The following TRIM9 variants were observed in gnomAD, a reference collection of about 807,000 sequenced individuals.
TRIM9 encodes tripartite motif containing 9.
In TRIM9, 26 loss-of-function variants were observed where a neutral mutation model predicts 78.3. That is an observed-to-expected ratio of 0.33 (90% CI 0.24 to 0.46). The LOEUF is 0.46. TRIM9 is among the 20% of genes least tolerant of loss of function. The pLI is 1.00. For missense variants in TRIM9, 787 were observed against 1,036.4 expected (o/e 0.76, Z 3.30); for synonymous variants, 398 against 416.5 (o/e 0.96, Z 0.54).
Position 50,986,090 on chromosome 14 carries a change from G to A in TRIM9, c.1658C>T (p.Pro553Leu), listed in dbSNP as rs2052676321. 3 of 1,546,132 alleles carry A rather than the reference G, an allele frequency of 1.9e-6. No homozygotes were observed. Among genetic ancestry groups the A allele is most frequent in the Non-Finnish European group, 2.6e-6 (3 of 1,144,668 alleles). The change falls in exon 8 of 13, where the codon CCG (proline) becomes CTG (leucine). Residue 553 changes from proline to leucine, a missense_variant. This residue lies in a region of TRIM9 where 421 missense variants were observed against 514.3 expected (regional missense o/e 0.82). Transcript: ENST00000684578. ...GGAGAAAGGACTCATTCTACGGAGC[G>A]GCAATCTTTCCGAAGGCACTGGAAA... ...LPFPVPSERLPLRRMSPFSST... is the reference protein window; with the variant it reads ...LPFPVPSERLLLRRMSPFSST...
At chr14:51,083,881 G>A (rs955551685) in intron 1 of TRIM9, among the ~76,000 whole-genome samples, 13 of 152,240 alleles carry the variant, frequency 8.5e-5, no homozygotes, top group African/African-American at 2.6e-4. Context: ...GTTAAACAGC[G>A]TTCAAGCCCT....
At chr14:51,057,705 A>G (rs934276002) in intron 1 of TRIM9, among the ~76,000 whole-genome samples, 2 of 152,216 alleles carry the variant, frequency 1.3e-5, no homozygotes, top group Admixed American at 6.5e-5. Context: ...TTTTTGTGGT[A>G]AAAATCAAAA....
chr14:51,083,061 C>T (rs1049756783), intron 1 of TRIM9, among the ~76,000 whole-genome samples: 1 of 152,128 alleles, frequency 6.6e-6, no homozygotes, highest in Non-Finnish European at 1.5e-5. Flanking sequence ...TCAGTTAACA[C>T]ATAGAAATTA....
Position 50,982,884 on chromosome 14 carries a change from A to G in TRIM9, c.1858+58T>C. On this transcript the variant is annotated intron_variant, in intron 10 of 12. Transcript: ENST00000684578. ...ATTGCTGATTTATTAAACCTGTGAG[A>G]CACCTCACATGCACTTTGGTCTTTG... 1.4e-6 allele frequency: 2 copies of G among 1,446,892 alleles called. 1 individual carries two copies. Among genetic ancestry groups the G allele is most frequent in the South Asian group, 2.5e-5 (2 of 80,326 alleles). 89.6% of individuals were successfully genotyped at this position (1,446,892 alleles called of 1,614,324 possible). A position where few individuals can be genotyped will look rare whatever the true frequency, so the allele number is the denominator to read the frequency against.
intron 1 of TRIM9, among the ~76,000 whole-genome samples, chr14:51,032,636 C>T (rs2058830160): frequency 6.6e-6 from 1 of 152,170 alleles, no homozygotes; most frequent in African/African-American, 2.4e-5. Context: ...CCAGGTGGAT[C>T]TACCAAGAGC....
intron 1 of TRIM9, among the ~76,000 whole-genome samples, chr14:51,043,815 A>C (rs1196326865): frequency 6.7e-6 from 1 of 149,870 alleles, no homozygotes; most frequent in African/African-American, 2.4e-5. Flanking sequence ...GGCATAGGGC[A>C]GTGGTCCTGT....
chr14:50,998,273 C>G, intron 6 of TRIM9, 85 bp from the exon 7 acceptor site: 2 of 1,310,654 alleles, frequency 1.5e-6, no homozygotes, highest in East Asian at 2.3e-5. Context: ...TGGTTAGGAG[C>G]AAGAGCCCTG....
chr14:51,053,494 A>G (rs2060597774), intron 1 of TRIM9, among the ~76,000 whole-genome samples: 1 of 127,748 alleles, frequency 7.8e-6, no homozygotes, highest in African/African-American at 3.0e-5. Context: ...TATAAAACTG[A>G]TCAGAACAGG....
At chr14:51,054,297 T>TTTGTTGTTGTTGTTGTTG (rs10641747) in intron 1 of TRIM9, among the ~76,000 whole-genome samples, 1 of 151,110 alleles carries the variant, frequency 6.6e-6, no homozygotes, top group Non-Finnish European at 1.5e-5. Context: ...TTTATACTCA[T>TTTGTTGTTGTTGTTGTTG]TTGTTGTTGT....
In TRIM9 at chr14:51,071,268, C is replaced by A. The variant is rs112006898; in HGVS notation, c.822+22850G>T. Among the ~76,000 whole-genome samples, 451 of 151,284 alleles carry A rather than the reference C, an allele frequency of 3.0e-3. 2 individuals carry two copies. Among genetic ancestry groups the A allele is most frequent in the Admixed American group, 6.1e-3 (93 of 15,146 alleles). ...GCACATGCCTGTAATCCCAGCTACT[C>A]TGGAGGCTGAGGCAGGGGAATTGCT... On this transcript the variant is annotated intron_variant, in intron 1 of 12. Transcript: ENST00000684578.
chr14:50,997,608 T>C, intron 7 of TRIM9: 1 of 1,011,320 alleles, frequency 9.9e-7, no homozygotes. Context: ...AATCCACGAC[T>C]GGAAAGAACC....
chr14:51,087,120 A>G (rs1388044491), intron 1 of TRIM9, among the ~76,000 whole-genome samples: 1 of 152,026 alleles, frequency 6.6e-6, no homozygotes, highest in East Asian at 1.9e-4. Flanking sequence ...ACAGCTGTGG[A>G]GGCTGACTCA....
chr14:50,999,278 G>A (rs1373638611), intron 6 of TRIM9, among the ~76,000 whole-genome samples: 28 of 151,786 alleles, frequency 1.8e-4, no homozygotes, highest in Admixed American at 1.8e-3. Flanking sequence ...GATAATAAAG[G>A]GAAAAGAAAG....
At chr14:51,071,302 G>A (rs2062220747) in intron 1 of TRIM9, among the ~76,000 whole-genome samples, 1 of 151,464 alleles carries the variant, frequency 6.6e-6, no homozygotes, top group Non-Finnish European at 1.5e-5. Flanking sequence ...CTTGAACCCG[G>A]GAGGTGGAGG....
At chr14:50,996,077 A>G (rs2054174603) in intron 7 of TRIM9, 1 of 985,142 alleles carries the variant, frequency 1.0e-6, no homozygotes, top group South Asian at 4.7e-5. Context: ...TGGAGAAAGT[A>G]TGTGTGTGAA....
chr14:50,986,006 G>T lies in TRIM9; in HGVS notation c.1742C>A (p.Ser581Ter). The T allele has an allele frequency of 6.5e-7, 1 of 1,549,110 alleles. No individual in the cohort carries two copies. The change falls in exon 8 of 13, where the codon TCA (serine) becomes TAA (stop). Residue 581 changes from serine to a stop codon, truncating the protein, a stop_gained. Coordinates refer to ENST00000684578, the MANE Select transcript of TRIM9 (RefSeq NM_001387360.1). LOFTEE classifies it high-confidence loss of function. ...GGAATGCAAGCTCAGCTGGTGGGGTGAGGATCGGAAATCAAAGTAGGATCT... is the reference window on the plus strand; with the variant it reads ...GGAATGCAAGCTCAGCTGGTGGGGTTAGGATCGGAAATCAAAGTAGGATCT... ...PGRSYFDFRS[S>*]PHQLSLHSSL...
At chr14:51,009,500 A>G (rs1198038603) in intron 4 of TRIM9, among the ~76,000 whole-genome samples, 2 of 152,210 alleles carry the variant, frequency 1.3e-5, no homozygotes, top group East Asian at 3.8e-4. Context: ...TGAATATATG[A>G]TCATGCTATT....
chr14:51,074,954 G>A (rs974722953), intron 1 of TRIM9, among the ~76,000 whole-genome samples: 2 of 152,234 alleles, frequency 1.3e-5, no homozygotes, highest in African/African-American at 4.8e-5. Context: ...CTTGAAAGAG[G>A]AGGGAATTTA....
chr14:51,042,559 A>C (rs555529747), intron 1 of TRIM9, among the ~76,000 whole-genome samples: 1 of 152,236 alleles, frequency 6.6e-6, no homozygotes, highest in Non-Finnish European at 1.5e-5. Flanking sequence ...GAGAGGGAAC[A>C]GTTTTGGTCA....
Sources: allele counts gnomAD v4.1 joint callset (sites outside exome capture counted in the v4.1 genomes callset), GRCh38; gene constraint gnomAD v4.1.1; regional missense constraint gnomAD v4.1.1; transcripts MANE v1.5; gene names NCBI Gene and HGNC (gene_info 2026-07-23, HGNC 2026-07-21).